The following KCNN3 variants were observed in gnomAD, a reference collection of about 807,000 sequenced individuals.
KCNN3 encodes the protein small conductance calcium-activated potassium channel protein 3.
A neutral mutation model predicts 62.9 loss-of-function variants in KCNN3; 16 were observed. The observed-to-expected ratio is 0.25, with a 90% CI of 0.17 to 0.39. The LOEUF is 0.39. Among genes scored for constraint, KCNN3 ranks in the 10% least tolerant of loss-of-function variants. KCNN3 has a pLI of 1.00. For synonymous variants in KCNN3, 370 were observed against 389.2 expected, an observed-to-expected ratio of 0.95 and a Z score of 0.58; for missense variants, 599 against 949.4, an observed-to-expected ratio of 0.63 and a Z score of 4.85.
At chr1:154,714,307 TGGTTTGTGTGA>T (rs1700165915) in intron 6 of KCNN3, among the ~76,000 whole-genome samples, 2 of 78,554 alleles carry the variant, frequency 2.5e-5, no homozygotes, top group East Asian at 3.9e-4. Flanking sequence ...GGTGTGTGTG[TGGTTTGTGTGA>T]GGTGTGTGTG....
intron 1 of KCNN3, among the ~76,000 whole-genome samples, chr1:154,851,920 G>A (rs554755048): frequency 1.4e-4 from 21 of 152,224 alleles, no homozygotes; most frequent in Middle Eastern, 6.8e-3. Context: ...TCCTCAGGAC[G>A]GTCTACAAAT....
chr1:154,786,123 C>A lies in KCNN3; in HGVS notation c.1030-13730G>T, dbSNP rs532272305. On this transcript the variant is annotated intron_variant, in intron 2 of 7. Coordinates refer to ENST00000271915, the MANE Select transcript of KCNN3 (RefSeq NM_002249.6). ...CTGCTTGTCAGCACCCTCACTAAAG[C>A]AGGGGTCCTTGAGGACAGACATCTC... is the stretch of plus-strand genomic sequence containing the variant. 2.3e-4 allele frequency among the ~76,000 whole-genome samples: 35 copies of A among 152,334 alleles called. No individual in the cohort carries two copies. In the South Asian group the frequency reaches 7.0e-3, roughly 31 times the overall value.
At chr1:154,712,364 T>C (rs1425897519) in intron 7 of KCNN3, among the ~76,000 whole-genome samples, 2 of 152,046 alleles carry the variant, frequency 1.3e-5, no homozygotes, top group Non-Finnish European at 2.9e-5. Context: ...GGAACCACCC[T>C]GCACTCCACG....
In KCNN3 at chr1:154,853,249, A is replaced by G. The variant is rs576222122; in HGVS notation, c.933+15783T>C. On this transcript the variant is annotated intron_variant, in intron 1 of 7. Coordinates refer to ENST00000271915, the MANE Select transcript of KCNN3 (RefSeq NM_002249.6). Reference sequence around the variant, plus strand: ...AGCAAGCCTCTTGCCTTGGCCTCCCAAAGTGCCAGGATAATAGGCGTGAGC... The same window carrying G: ...AGCAAGCCTCTTGCCTTGGCCTCCCGAAGTGCCAGGATAATAGGCGTGAGC... 8.5e-5 allele frequency among the ~76,000 whole-genome samples: 13 copies of G among 152,192 alleles called. No individual in the cohort carries two copies. The East Asian group carries it at 2.1e-3, about 25-fold the overall frequency.
intron 3 of KCNN3, among the ~76,000 whole-genome samples, chr1:154,744,577 T>C (rs1375917842): frequency 6.6e-6 from 1 of 152,336 alleles, no homozygotes; most frequent in Non-Finnish European, 1.5e-5. Context: ...TCGAAGCTAT[T>C]AGAAGCCTGA....
intron 1 of KCNN3, among the ~76,000 whole-genome samples, chr1:154,825,622 C>T (rs200085785): frequency 6.6e-6 from 1 of 150,556 alleles, no homozygotes; most frequent in South Asian, 2.2e-4. Flanking sequence ...CCCGCCTCGG[C>T]CTCCCAAAGT....
At chr1:154,868,900 A>ATCTCTCTCTCTCTCTCTCTCTCTC (rs60145117) in intron 1 of KCNN3, 132 bp downstream of exon 1, 26 of 759,562 alleles carry the variant, frequency 3.4e-5, no homozygotes, top group Non-Finnish European at 4.3e-5. Flanking sequence ...CAATCTCTCA[A>ATCTCTCTCTCTCTCTCTCTCTCTC]TCTCTCTCTC....
At chr1:154,835,418 C>T (rs370045817) in intron 1 of KCNN3, among the ~76,000 whole-genome samples, 1 of 152,202 alleles carries the variant, frequency 6.6e-6, no homozygotes, top group East Asian at 1.9e-4. Context: ...CCTCTGCCCC[C>T]ACACCTGCCA....
At chr1:154,720,196 G>A (rs891501298) in intron 5 of KCNN3, among the ~76,000 whole-genome samples, 7 of 152,164 alleles carry the variant, frequency 4.6e-5, no homozygotes, top group African/African-American at 7.2e-5. Flanking sequence ...GCCCACCCTC[G>A]CCCCTTTCTG....
intron 2 of KCNN3, among the ~76,000 whole-genome samples, chr1:154,812,952 CG>C (rs1228870404): frequency 6.6e-6 from 1 of 152,198 alleles, no homozygotes; most frequent in Non-Finnish European, 1.5e-5. Context: ...GCCACTCTCC[CG>C]ACATTTTCCT....
intron 3 of KCNN3, among the ~76,000 whole-genome samples, chr1:154,751,873 G>C (rs960299668): frequency 2.0e-5 from 3 of 152,232 alleles, no homozygotes; most frequent in Non-Finnish European, 4.4e-5. Flanking sequence ...TGGCAGATGA[G>C]AGGAGCCTGC....
At chr1:154,726,633 T>C (rs919966219) in intron 4 of KCNN3, among the ~76,000 whole-genome samples, 5 of 152,348 alleles carry the variant, frequency 3.3e-5, no homozygotes, top group Admixed American at 6.5e-5. Context: ...TGCTCTACAC[T>C]TGGGCTTTTT....
At chr1:154,852,497 A>C (rs12084791) in intron 1 of KCNN3, among the ~76,000 whole-genome samples, 1 of 151,966 alleles carries the variant, frequency 6.6e-6, no homozygotes, top group South Asian at 2.1e-4. Context: ...TACAGGTGTC[A>C]GCCACCATGC....
At chr1:154,724,674 T>C (rs987542589) in intron 5 of KCNN3, among the ~76,000 whole-genome samples, 11 of 152,096 alleles carry the variant, frequency 7.2e-5, no homozygotes, top group Non-Finnish European at 1.5e-4. Context: ...TTCAGTGGGG[T>C]GTCCAACTTT....
chr1:154,742,031 C>T (rs1700831773), intron 3 of KCNN3, among the ~76,000 whole-genome samples: 1 of 152,250 alleles, frequency 6.6e-6, no homozygotes, highest in Admixed American at 6.5e-5. Flanking sequence ...CACTGCCCTC[C>T]TCTGGCATCT....
intron 2 of KCNN3, among the ~76,000 whole-genome samples, chr1:154,820,974 G>T (rs1319437327): frequency 6.6e-6 from 1 of 152,204 alleles, no homozygotes; most frequent in Non-Finnish European, 1.5e-5. Context: ...CCCTGAAAAT[G>T]CCGAGTAACA....
In KCNN3 at chr1:154,700,921, C is replaced by A. The variant is rs1222318521; in HGVS notation, c.*7055G>T. ...AGTCAATTGTAAAATTGAAAATAAG[C>A]CAATTTCCATTATCCGGTGAGTAAG... On this transcript the variant is annotated 3_prime_UTR_variant, in exon 8 of 8. Transcript: ENST00000271915. 1 of 151,950 alleles carries A rather than the reference C, an allele frequency of 6.6e-6. No homozygotes were observed. The highest frequency in any genetic ancestry group is 2.4e-5 in the African/African-American group (1 of 41,358). The allele number at this position is 151,950 out of a possible 1,614,324, so 9.4% of individuals were successfully genotyped here.
chr1:154,832,125 G>A (rs939847818), intron 1 of KCNN3, among the ~76,000 whole-genome samples: 1 of 151,964 alleles, frequency 6.6e-6, no homozygotes, highest in African/African-American at 2.4e-5. Context: ...CCAAAAGCCT[G>A]TATCCCTATC....
chr1:154,782,990 A>T (rs1482344301), intron 2 of KCNN3, among the ~76,000 whole-genome samples: 1 of 152,194 alleles, frequency 6.6e-6, no homozygotes, highest in Non-Finnish European at 1.5e-5. Context: ...AGGCGGGCGG[A>T]TCATGAGGTC....
Sources: gnomAD v4.1 joint callset for allele counts (sites outside exome capture counted in the v4.1 genomes callset) on GRCh38, gnomAD v4.1.1 for gene constraint, MANE v1.5 for transcripts, NCBI Gene and HGNC (gene_info 2026-07-23, HGNC 2026-07-21) for gene names.